The following LHCGR variants were observed in gnomAD, a reference collection of about 807,000 sequenced individuals.
LHCGR encodes the protein lutropin-choriogonadotropic hormone receptor.
Under a neutral mutation model 60.7 loss-of-function variants are expected in LHCGR, and 55 were observed. The ratio of observed to expected loss-of-function variants is 0.91; its 90% CI spans 0.73 to 1.13. LHCGR has a LOEUF of 1.13. Among genes scored for constraint, LHCGR ranks in the 50% most tolerant of loss-of-function variants. The probability of loss-of-function intolerance (pLI) is 0.00; values close to 1 mark genes in which losing one functional copy is unlikely to be tolerated. For missense variants in LHCGR, 862 were observed against 836.0 expected, an observed-to-expected ratio of 1.03 and a Z score of -0.38; for synonymous variants, 337 against 316.5, an observed-to-expected ratio of 1.06 and a Z score of -0.69.
intron 1 of LHCGR, among the ~76,000 whole-genome samples, chr2:48,754,938 T>G (rs1296842863): frequency 6.7e-6 from 1 of 149,832 alleles, no homozygotes; most frequent in Non-Finnish European, 1.5e-5. Flanking sequence ...TTTGGTCCAT[T>G]AGACCATGAG....
At chr2:48,736,073 C>T (rs1450446498) in intron 1 of LHCGR, among the ~76,000 whole-genome samples, 2 of 152,162 alleles carry the variant, frequency 1.3e-5, no homozygotes, top group African/African-American at 4.8e-5. Flanking sequence ...TTGTAAGTTT[C>T]CTGAGGCCTC....
Position 48,691,910 on chromosome 2 carries a change from C to T in LHCGR, c.947+2314G>A, listed in dbSNP as rs899684880. Among the ~76,000 whole-genome samples the T allele has an allele frequency of 7.3e-5, 11 of 149,974 alleles. No individual in the cohort carries two copies. The East Asian group carries it at 1.4e-3, about 19-fold the overall frequency. On this transcript the variant is annotated intron_variant, in intron 10 of 10. Coordinates refer to ENST00000294954, the MANE Select transcript of LHCGR (RefSeq NM_000233.4). ...TTGAATCCTTTCATTTTATTGGTAA[C>T]GAAACCAAGATTAAAGGAGGTAAGT...
chr2:48,724,515 C>T (rs1049807883), intron 4 of LHCGR, among the ~76,000 whole-genome samples: 4 of 152,172 alleles, frequency 2.6e-5, no homozygotes, highest in Non-Finnish European at 2.9e-5. Context: ...TATCCAAAAG[C>T]CCAGGTCACA....
intron 9 of LHCGR, among the ~76,000 whole-genome samples, chr2:48,698,034 C>G (rs992138486): frequency 6.6e-6 from 1 of 152,134 alleles, no homozygotes; most frequent in African/African-American, 2.4e-5. Flanking sequence ...CACCGTGTCC[C>G]CCACCCTGGA....
intron 10 of LHCGR, among the ~76,000 whole-genome samples, chr2:48,692,942 G>C: frequency 6.6e-6 from 1 of 152,212 alleles, no homozygotes; most frequent in East Asian, 1.9e-4. Flanking sequence ...TGATAGCATA[G>C]CAAACTTAAG....
intron 1 of LHCGR, among the ~76,000 whole-genome samples, chr2:48,752,172 T>A (rs971987965): frequency 7.2e-5 from 11 of 152,350 alleles, no homozygotes; most frequent in African/African-American, 2.6e-4. Flanking sequence ...TCATAAAATA[T>A]GAAAGGGGAG....
chr2:48,689,077 A>G (rs1459210002), intron 10 of LHCGR, among the ~76,000 whole-genome samples: 1 of 151,820 alleles, frequency 6.6e-6, no homozygotes, highest in African/African-American at 2.4e-5. Flanking sequence ...ATATACACAC[A>G]TATATACACA....
chr2:48,709,243 C>G (rs934988958), intron 7 of LHCGR, among the ~76,000 whole-genome samples: 2 of 152,088 alleles, frequency 1.3e-5, no homozygotes, highest in Non-Finnish European at 2.9e-5. Flanking sequence ...CTTCCATTCC[C>G]CCCTTCACTT....
chr2:48,702,331 G>A (rs1322514806), intron 8 of LHCGR, among the ~76,000 whole-genome samples: 2 of 151,386 alleles, frequency 1.3e-5, no homozygotes, highest in Non-Finnish European at 2.9e-5. Context: ...TGTTACATAG[G>A]TATACATATG....
intron 1 of LHCGR, chr2:48,732,874 T>C (rs749711419): frequency 1.9e-6 from 1 of 534,560 alleles, no homozygotes; most frequent in East Asian, 5.4e-5. Flanking sequence ...AACTTTGGTC[T>C]CTGATTCTAT....
intron 1 of LHCGR, among the ~76,000 whole-genome samples, chr2:48,739,581 A>G (rs1177789343): frequency 2.7e-5 from 4 of 150,000 alleles, no homozygotes; most frequent in Non-Finnish European, 5.9e-5. Context: ...CAAACACTGC[A>G]TGTTCTCGCT....
At chr2:48,730,727 T>C (rs1668951059) in intron 2 of LHCGR, among the ~76,000 whole-genome samples, 1 of 152,230 alleles carries the variant, frequency 6.6e-6, no homozygotes, top group Non-Finnish European at 1.5e-5. Flanking sequence ...AAACATGAGA[T>C]CATACTGCAT....
intron 1 of LHCGR, among the ~76,000 whole-genome samples, chr2:48,747,384 G>T (rs1669756194): frequency 6.6e-6 from 1 of 152,208 alleles, no homozygotes; most frequent in Admixed American, 6.5e-5. Context: ...GAGCCACTGT[G>T]CCTGAGAATG....
chr2:48,731,054 C>T (rs1668963528), intron 2 of LHCGR, among the ~76,000 whole-genome samples, 173 bp downstream of exon 2: 1 of 152,068 alleles, frequency 6.6e-6, no homozygotes, highest in African/African-American at 2.4e-5. Flanking sequence ...AAAAATCATA[C>T]CTTTTCTTCA....
At chr2:48,719,307 C>A (rs891609558) in intron 6 of LHCGR, among the ~76,000 whole-genome samples, 1 of 152,142 alleles carries the variant, frequency 6.6e-6, no homozygotes, top group African/African-American at 2.4e-5. Context: ...AGACACAGAG[C>A]CAGGACTGAA....
At chr2:48,689,222 T>C (rs1241875718) in intron 10 of LHCGR, among the ~76,000 whole-genome samples, 1 of 151,750 alleles carries the variant, frequency 6.6e-6, no homozygotes, top group Admixed American at 6.6e-5. Flanking sequence ...ATATATAACA[T>C]TGATACAAAA....
At chr2:48,746,687 T>C (rs374214541) in intron 1 of LHCGR, among the ~76,000 whole-genome samples, 1 of 152,196 alleles carries the variant, frequency 6.6e-6, no homozygotes, top group Non-Finnish European at 1.5e-5. Context: ...AAATTAAAAA[T>C]ATAAAGCCTC....
Position 48,708,957 on chromosome 2 carries a change from G to A in LHCGR, c.671C>T (p.Pro224Leu), listed in dbSNP as rs758584973. Residue 224 changes from proline (P) to leucine (L), a missense_variant, in exon 8 of 11, where the codon CCG (proline) becomes CTG (leucine). Coordinates refer to ENST00000294954, the MANE Select transcript of LHCGR (RefSeq NM_000233.4). ...GCACCATTCTACTCACAAGGTTTTC[G>A]GCCCTGTGGCCCCACGGAAGGCTCC... ...HNGAFRGATG[P>L]KTLDISSTKL... The A allele has an allele frequency of 1.9e-5, 30 of 1,613,764 alleles. No individual in the cohort carries two copies. The South Asian group carries it at 2.0e-4, about 11-fold the overall frequency.
chr2:48,748,603 T>A (rs943722492), intron 1 of LHCGR, among the ~76,000 whole-genome samples: 5 of 152,248 alleles, frequency 3.3e-5, no homozygotes, highest in Admixed American at 2.0e-4. Context: ...AACTGTTCCA[T>A]CAGGCTTGCC....
Sources: allele counts gnomAD v4.1 joint callset (sites outside exome capture counted in the v4.1 genomes callset), GRCh38; gene constraint gnomAD v4.1.1; transcripts MANE v1.5; gene names NCBI Gene and HGNC (gene_info 2026-07-23, HGNC 2026-07-21).